FZR1: variants seen among roughly 807,000 people sequenced by gnomAD.
The protein encoded by FZR1 is fizzy-related protein homolog.
Under a neutral mutation model 63.6 loss-of-function variants are expected in FZR1, and 11 were observed. The observed-to-expected ratio is 0.17, with a 90% confidence interval of 0.11 to 0.29. The LOEUF (loss-of-function observed/expected upper bound fraction) is 0.29. FZR1 is among the 10% of genes least tolerant of loss of function. The probability of loss-of-function intolerance (pLI) is 1.00; values close to 1 mark genes in which losing one functional copy is unlikely to be tolerated. For synonymous variants in FZR1, 328 were observed against 297.9 expected (o/e 1.10, Z -1.04); for missense variants, 440 against 687.5 (o/e 0.64, Z 4.03).
intron 1 of FZR1, among the ~76,000 whole-genome samples, chr19:3,518,319 GT>G (rs1221011215): frequency 6.6e-6 from 1 of 152,188 alleles, no homozygotes; most frequent in Admixed American, 6.5e-5. Flanking sequence ...GTCTCGCCAT[GT>G]TGGCTGATCT....
intron 8 of FZR1, 64 bp downstream of exon 8, chr19:3,530,921 C>T (rs2083240648): frequency 7.7e-7 from 1 of 1,293,438 alleles, no homozygotes; most frequent in Non-Finnish European, 1.1e-6. Context: ...GTGTTGGGGG[C>T]CTTGAAGACC....
rs200547364 is a variant in FZR1, at chr19:3,527,081, C to A, written c.470+19C>A. On this transcript the variant is annotated intron_variant, in intron 6 of 13. Coordinates refer to ENST00000441788, the MANE Select transcript of FZR1 (RefSeq NM_016263.4). Reference sequence around the variant, plus strand: ...ACAAGAGGTGGGTCCCAGCTTCCTCCGCAGCCCTCCCTACTCCCTGTCTCC... The same window carrying A: ...ACAAGAGGTGGGTCCCAGCTTCCTCAGCAGCCCTCCCTACTCCCTGTCTCC... The A allele has an allele frequency of 7.8e-5, 121 of 1,541,426 alleles. No homozygotes were observed. In the East Asian group the frequency reaches 2.4e-3, roughly 31 times the overall value.
At chr19:3,507,167 A>G (rs1185910016) in intron 1 of FZR1, among the ~76,000 whole-genome samples, 1 of 52,104 alleles carries the variant, frequency 1.9e-5, no homozygotes, top group African/African-American at 7.9e-5. Flanking sequence ...CGTGCCCCCT[A>G]CCAGCCCCCA....
chr19:3,520,967 G>A (rs1159417862), intron 1 of FZR1, among the ~76,000 whole-genome samples: 3 of 152,196 alleles, frequency 2.0e-5, no homozygotes, highest in Non-Finnish European at 4.4e-5. Context: ...GCCCTCCCAG[G>A]TCTTTTGTGT....
intron 1 of FZR1, among the ~76,000 whole-genome samples, chr19:3,511,673 C>T (rs1002138897): frequency 6.6e-5 from 10 of 152,130 alleles, no homozygotes; most frequent in Non-Finnish European, 1.2e-4. Flanking sequence ...GGGGAGGCGT[C>T]GGCTGGCAGG....
Position 3,536,316 on chromosome 19 carries a change from G to A in FZR1, c.*1480G>A, listed in dbSNP as rs922771552. 6.6e-6 allele frequency: 1 copy of A among 152,186 alleles called. No individual in the cohort carries two copies. Among genetic ancestry groups the A allele is most frequent in the Admixed American group, 6.5e-5 (1 of 15,272 alleles). The allele number at this position is 152,186 out of a possible 1,614,324, so 9.4% of individuals were successfully genotyped here. A position where few individuals can be genotyped will look rare whatever the true frequency, so the allele number is the denominator to read the frequency against. ...GTTTTAAAGCCCCGTCATTTCAAGC[G>A]GGTCGATCTTCCACATTCACTGGAG... is the stretch of plus-strand genomic sequence containing the variant. On this transcript the variant is annotated 3_prime_UTR_variant, in exon 14 of 14. Coordinates refer to ENST00000441788, the MANE Select transcript of FZR1 (RefSeq NM_016263.4).
At chr19:3,512,217 T>C (rs980018964) in intron 1 of FZR1, among the ~76,000 whole-genome samples, 1 of 152,134 alleles carries the variant, frequency 6.6e-6, no homozygotes, top group Non-Finnish European at 1.5e-5. Flanking sequence ...TGCGTACCCC[T>C]GTCATGAGTC....
At chr19:3,527,908 G>A (rs1003956322) in intron 7 of FZR1, 94 bp downstream of exon 7, 3 of 994,040 alleles carry the variant, frequency 3.0e-6, no homozygotes, top group East Asian at 2.9e-5. Context: ...GCATCAGTAC[G>A]AGCCAGGCGC....
In FZR1 at chr19:3,526,248, G is replaced by T; in HGVS notation, c.260-11G>T. 6.2e-7 allele frequency: 1 copy of T among 1,611,890 alleles called. No individual in the cohort carries two copies. The highest frequency in any genetic ancestry group is 8.5e-7 in the Non-Finnish European group (1 of 1,179,768). On this transcript the variant is annotated splice_polypyrimidine_tract_variant and intron_variant, in intron 4 of 13. Coordinates refer to ENST00000441788, the MANE Select transcript of FZR1 (RefSeq NM_016263.4). This position sits in a 1 kb window ranked among gnomAD's most constrained non-coding sequence, Gnocchi z 5.4. ...TGCCTTGCCCCGCCTCACTGTGCTT[G>T]GTGCCCGCAGACGGCCTGGCCTACT...
rs926777049 is a variant in FZR1, at chr19:3,525,644, G to A, written c.70-224G>A. Among the ~76,000 whole-genome samples, 1 of 151,954 alleles carries A rather than the reference G, an allele frequency of 6.6e-6. No homozygotes were observed. The highest frequency in any genetic ancestry group is 1.5e-5 in the Non-Finnish European group (1 of 67,970). On this transcript the variant is annotated intron_variant, in intron 2 of 13. Coordinates refer to ENST00000441788, the MANE Select transcript of FZR1 (RefSeq NM_016263.4). The surrounding 1 kb of genome is among the most constrained non-coding windows in gnomAD (Gnocchi z 4.2). ...TTTTTAGTAGAGACGAGGTTTCACAGTGTTAGCCAGGATGGTCTTGATCTC... is the reference window on the plus strand; with the variant it reads ...TTTTTAGTAGAGACGAGGTTTCACAATGTTAGCCAGGATGGTCTTGATCTC...
intron 1 of FZR1, among the ~76,000 whole-genome samples, chr19:3,512,769 C>T (rs1414938368): frequency 2.6e-5 from 4 of 152,060 alleles, no homozygotes; most frequent in Non-Finnish European, 1.5e-5. Context: ...AAATGTGACC[C>T]GAGAGAGCCA....
At chr19:3,529,236 G>A (rs1353678955) in intron 7 of FZR1, among the ~76,000 whole-genome samples, 7 of 141,484 alleles carry the variant, frequency 4.9e-5, no homozygotes, top group South Asian at 4.9e-4. Context: ...ATGGGAGAGC[G>A]GATGAGAGTG....
In FZR1 at chr19:3,522,879, T is replaced by C. The variant is rs1357599357; in HGVS notation, c.-34-77T>C. The C allele has an allele frequency of 9.0e-6, 7 of 778,188 alleles. No individual in the cohort carries two copies. In the East Asian group the frequency reaches 1.7e-4, roughly 19 times the overall value. 48.2% of individuals were successfully genotyped at this position (778,188 alleles called of 1,614,324 possible). A position where few individuals can be genotyped will look rare whatever the true frequency, so the allele number is the denominator to read the frequency against. On this transcript the variant is annotated intron_variant, in intron 1 of 13. Coordinates refer to ENST00000441788, the MANE Select transcript of FZR1 (RefSeq NM_016263.4). Reference sequence around the variant, plus strand: ...CACAGTCACTCTAGCTCCCAGGGCCTGGAGGTGCAGGCGAGCCCCGTGGTC... The same window carrying C: ...CACAGTCACTCTAGCTCCCAGGGCCCGGAGGTGCAGGCGAGCCCCGTGGTC...
chr19:3,527,265 G>A (rs904789751), intron 6 of FZR1, among the ~76,000 whole-genome samples: 1 of 152,182 alleles, frequency 6.6e-6, no homozygotes, highest in African/African-American at 2.4e-5. Flanking sequence ...AGCCCCCCAT[G>A]AGGCCATGGT....
At chr19:3,508,806 C>T (rs536610553) in intron 1 of FZR1, among the ~76,000 whole-genome samples, 7 of 152,352 alleles carry the variant, frequency 4.6e-5, no homozygotes, top group Admixed American at 4.6e-4. Flanking sequence ...TTGAGCCAGG[C>T]ATGCTGCTCA....
chr19:3,535,527 C>G lies in FZR1; in HGVS notation c.*691C>G, dbSNP rs67967456. ...GGCGGTCAGTGGGCTTCAGATGGGC[C>G]TGTGCATCCTGGCCAAGCGTCACCC... is the stretch of plus-strand genomic sequence containing the variant. On this transcript the variant is annotated 3_prime_UTR_variant, in exon 14 of 14. Transcript: ENST00000441788. 4 of 152,758 alleles carry G rather than the reference C, an allele frequency of 2.6e-5. No homozygotes were observed. The highest frequency in any genetic ancestry group is 7.2e-5 in the African/African-American group (3 of 41,448). The allele number at this position is 152,758 out of a possible 1,614,324, so 9.5% of individuals were successfully genotyped here. A position where few individuals can be genotyped will look rare whatever the true frequency, so the allele number is the denominator to read the frequency against.
intron 12 of FZR1, 179 bp from the exon 13 acceptor site, chr19:3,534,242 A>T (rs2083275202): frequency 4.5e-6 from 2 of 449,290 alleles, no homozygotes; most frequent in East Asian, 7.5e-5. Context: ...AAAAAAAAAA[A>T]AAAAAGGCTC....
In FZR1 at chr19:3,533,663, T is replaced by C; in HGVS notation, c.1347+265T>C. On this transcript the variant is annotated intron_variant, in intron 12 of 13. Transcript: ENST00000441788. The surrounding 1 kb of genome is among the most constrained non-coding windows in gnomAD (Gnocchi z 4.9). ...CTTCTTCATTTGTTTATTTTCCCCATAAAGAGGGGTGAAGAGGAAAGCCAA... is the reference window on the plus strand; with the variant it reads ...CTTCTTCATTTGTTTATTTTCCCCACAAAGAGGGGTGAAGAGGAAAGCCAA... 6.8e-6 allele frequency: 3 copies of C among 440,420 alleles called. No homozygotes were observed. The highest frequency in any genetic ancestry group is 5.7e-5 in the South Asian group (2 of 34,820). 27.3% of individuals were successfully genotyped at this position (440,420 alleles called of 1,614,324 possible).
chr19:3,532,462 A>C lies in FZR1; in HGVS notation c.1054A>C (p.Thr352Pro). Reference protein sequence around the residue: ...HSSLSPVQQYTEHLAAVKAIA... With the variant: ...HSSLSPVQQYPEHLAAVKAIA... ...GAGCCTGAGCCCCGTGCAGCAGTAC[A>C]CGGAGCACCTGGCGGCCGTGAAGGC... Residue 352 changes from threonine to proline, a missense_variant, in exon 11 of 14, where the codon ACG becomes CCG. Thr to Pro is a conservative substitution (Grantham distance 38). This residue lies in a region of FZR1 where 208 missense variants were observed against 363.6 expected (regional missense o/e 0.57). Transcript: ENST00000441788. 1 of 1,602,878 alleles carries C rather than the reference A, an allele frequency of 6.2e-7. No individual in the cohort carries two copies. The highest frequency in any genetic ancestry group is 8.5e-7 in the Non-Finnish European group (1 of 1,173,368).
Sources: allele counts gnomAD v4.1 joint callset (sites outside exome capture counted in the v4.1 genomes callset), GRCh38; gene constraint gnomAD v4.1.1; regional missense constraint gnomAD v4.1.1; non-coding constraint Gnocchi (gnomAD v3.1); transcripts MANE v1.5; gene names NCBI Gene and HGNC (gene_info 2026-07-23, HGNC 2026-07-21).